Variants in VSNL1 observed in about 807,000 individuals in gnomAD.
VSNL1 encodes the protein visinin like 1, also known as visinin-like protein 1.
Under a neutral mutation model 20.4 loss-of-function variants are expected in VSNL1, and 6 were observed. The ratio of observed to expected loss-of-function variants is 0.29; its 90% CI spans 0.16 to 0.58. The LOEUF is 0.58. Among genes scored for constraint, VSNL1 ranks in the 20% least tolerant of loss-of-function variants. The pLI is 0.90. For missense variants in VSNL1, 100 were observed against 234.5 expected (o/e 0.43, Z 3.75); for synonymous variants, 93 against 86.4 (o/e 1.08, Z -0.42).
Position 17,655,434 on chromosome 2 carries a change from T to C in VSNL1, c.*40T>C. On this transcript the variant is annotated 3_prime_UTR_variant, in exon 4 of 4. Coordinates refer to ENST00000295156, the MANE Select transcript of VSNL1 (RefSeq NM_003385.5). The surrounding 1 kb of genome is among the most constrained non-coding windows in gnomAD (Gnocchi z 5.2). ...TATGGACTGCACAAAAGTCTCAATG[T>C]TCCATTCAGTCTGCAGCTATTCACA... 6.5e-7 allele frequency: 1 copy of C among 1,529,748 alleles called. No individual in the cohort carries two copies. Among genetic ancestry groups the C allele is most frequent in the Non-Finnish European group, 8.9e-7 (1 of 1,119,412 alleles). The allele number at this position is 1,529,748 out of a possible 1,614,324, so 94.8% of individuals were successfully genotyped here. A position where few individuals can be genotyped will look rare whatever the true frequency, so the allele number is the denominator to read the frequency against.
At chr2:17,555,119 T>C (rs1045024798) in intron 1 of VSNL1, among the ~76,000 whole-genome samples, 3 of 152,294 alleles carry the variant, frequency 2.0e-5, no homozygotes, top group African/African-American at 7.2e-5. Flanking sequence ...TGGCAGAGTG[T>C]GAAATTTGAA....
At chr2:17,559,010 C>T (rs1201299292) in intron 1 of VSNL1, among the ~76,000 whole-genome samples, 2 of 151,956 alleles carry the variant, frequency 1.3e-5, no homozygotes, top group African/African-American at 2.4e-5. Context: ...AGAACCTAGA[C>T]TTCTCAGGGA....
intron 2 of VSNL1, among the ~76,000 whole-genome samples, chr2:17,596,457 C>T (rs2710691): frequency 0.53 from 80,830 of 151,758 alleles, 24,546 homozygotes; most frequent in East Asian, 0.86. Context: ...CAGAATTGGC[C>T]ACGGTTTAAT....
At chr2:17,619,388 G>C (rs1665294203) in intron 2 of VSNL1, among the ~76,000 whole-genome samples, 1 of 152,118 alleles carries the variant, frequency 6.6e-6, no homozygotes, top group South Asian at 2.1e-4. Flanking sequence ...GGTTTTTTAA[G>C]TTAACTAACT....
At chr2:17,580,119 T>C (rs1237958613) in intron 1 of VSNL1, among the ~76,000 whole-genome samples, 1 of 152,212 alleles carries the variant, frequency 6.6e-6, no homozygotes, top group Non-Finnish European at 1.5e-5. Flanking sequence ...GAGAGAGCTT[T>C]GTAAATGCTA....
At chr2:17,621,030 C>A (rs148951636) in intron 2 of VSNL1, among the ~76,000 whole-genome samples, 1 of 152,230 alleles carries the variant, frequency 6.6e-6, no homozygotes, top group African/African-American at 2.4e-5. Flanking sequence ...CTATAATAGA[C>A]TTATGGTTAC....
At chr2:17,567,893 C>T (rs1481678742) in intron 1 of VSNL1, among the ~76,000 whole-genome samples, 1 of 151,900 alleles carries the variant, frequency 6.6e-6, no homozygotes, top group Non-Finnish European at 1.5e-5. Context: ...TTTTGCATTC[C>T]AGGAATAACC....
chr2:17,569,799 G>C (rs185517740), intron 1 of VSNL1, among the ~76,000 whole-genome samples: 2 of 151,976 alleles, frequency 1.3e-5, no homozygotes, highest in Non-Finnish European at 2.9e-5. Context: ...TCTTTAACAA[G>C]AAATTACTGA....
chr2:17,627,120 C>A (rs985725299), intron 2 of VSNL1, among the ~76,000 whole-genome samples: 6 of 152,372 alleles, frequency 3.9e-5, no homozygotes, highest in African/African-American at 1.4e-4. Context: ...CCACATACCC[C>A]CATCTCACCA....
At position 17,621,217 on chromosome 2, in the gene VSNL1, TTCTC is replaced by T. The variant is rs925411834; in HGVS notation, c.163-28185_163-28182del. On this transcript the variant is annotated intron_variant, in intron 2 of 3. Transcript: ENST00000295156. ...ATCAACAGTTTCTTCCTTCCTTCCT[TTCTC>T]TCTCTCTTTCTTTCTTTCCTTCTTT... is the stretch of plus-strand genomic sequence containing the variant. 1.9e-4 allele frequency among the ~76,000 whole-genome samples: 29 copies of T among 151,570 alleles called. 1 individual carries two copies. The highest frequency in any genetic ancestry group is 6.6e-4 in the Admixed American group (10 of 15,230).
intron 2 of VSNL1, among the ~76,000 whole-genome samples, chr2:17,622,714 T>C (rs911323374): frequency 7.9e-5 from 12 of 151,966 alleles, no homozygotes; most frequent in Non-Finnish European, 1.3e-4. Flanking sequence ...CATGGACACA[T>C]AGAAGTGTGA....
intron 2 of VSNL1, among the ~76,000 whole-genome samples, chr2:17,606,798 T>A (rs2103389640): frequency 1.3e-5 from 2 of 152,302 alleles, no homozygotes; most frequent in Middle Eastern, 3.4e-3. Context: ...TTACATGCTT[T>A]ACTGGTCTAC....
intron 2 of VSNL1, among the ~76,000 whole-genome samples, chr2:17,626,233 C>T (rs1306442941): frequency 6.6e-6 from 1 of 152,210 alleles, no homozygotes; most frequent in African/African-American, 2.4e-5. Context: ...CATGTCTCTG[C>T]AGCACCCCTA....
intron 2 of VSNL1, among the ~76,000 whole-genome samples, chr2:17,593,619 C>T (rs1235303838): frequency 6.6e-6 from 1 of 152,090 alleles, no homozygotes; most frequent in Non-Finnish European, 1.5e-5. Context: ...GTGTTTATTG[C>T]ATCATTAAAA....
At chr2:17,581,226 A>G (rs1313094896) in intron 1 of VSNL1, among the ~76,000 whole-genome samples, 2 of 152,058 alleles carry the variant, frequency 1.3e-5, no homozygotes, top group Non-Finnish European at 2.9e-5. Flanking sequence ...GTGTTTTCTC[A>G]TATAGTTTTA....
At chr2:17,552,098 G>T (rs1185059083) in intron 1 of VSNL1, among the ~76,000 whole-genome samples, 1 of 151,338 alleles carries the variant, frequency 6.6e-6, no homozygotes, top group Non-Finnish European at 1.5e-5. Flanking sequence ...TACTCGGGAG[G>T]CTGAGGCAGG....
intron 2 of VSNL1, among the ~76,000 whole-genome samples, chr2:17,595,272 T>G (rs1036767556): frequency 6.6e-6 from 1 of 152,180 alleles, no homozygotes; most frequent in African/African-American, 2.4e-5. Context: ...TGGCTGTACA[T>G]CTCCTTCTTA....
chr2:17,566,720 T>C (rs1232995807), intron 1 of VSNL1, among the ~76,000 whole-genome samples: 3 of 152,182 alleles, frequency 2.0e-5, no homozygotes, highest in Non-Finnish European at 4.4e-5. Flanking sequence ...TTGAGATAGT[T>C]GGATTTATCA....
intron 1 of VSNL1, among the ~76,000 whole-genome samples, chr2:17,557,150 A>G (rs971135479): frequency 1.3e-5 from 2 of 152,208 alleles, no homozygotes; most frequent in Admixed American, 1.3e-4. Context: ...TGAAATAGAT[A>G]TTATCCCTAT....
Sources: gnomAD v4.1 joint callset for allele counts (sites outside exome capture counted in the v4.1 genomes callset) on GRCh38, gnomAD v4.1.1 for gene constraint, Gnocchi (gnomAD v3.1) non-coding constraint, MANE v1.5 for transcripts, NCBI Gene and HGNC (gene_info 2026-07-23, HGNC 2026-07-21) for gene names.